ASIC2: variants seen among roughly 807,000 people sequenced by gnomAD.
ASIC2 encodes the protein acid-sensing ion channel 2.
In ASIC2, 25 loss-of-function variants were observed where a neutral mutation model predicts 57.3. The ratio of observed to expected loss-of-function variants is 0.44; its 90% CI spans 0.32 to 0.61. ASIC2 has a LOEUF of 0.61. ASIC2 is among the 20% of genes least tolerant of loss of function. The pLI, the probability that ASIC2 is intolerant of heterozygous loss-of-function variation, is 0.06. For missense variants in ASIC2, 641 were observed against 738.1 expected (o/e 0.87, Z 1.52); for synonymous variants, 319 against 307.5 (o/e 1.04, Z -0.39).
intron 1 of ASIC2, among the ~76,000 whole-genome samples, chr17:33,287,310 A>C (rs1202637573): frequency 6.6e-6 from 1 of 152,208 alleles, no homozygotes; most frequent in Non-Finnish European, 1.5e-5. Context: ...TCTCCCCTGA[A>C]CCATGCCATC....
intron 3 of ASIC2, among the ~76,000 whole-genome samples, chr17:33,033,233 T>A (rs2091892970): frequency 6.6e-6 from 1 of 152,200 alleles, no homozygotes; most frequent in East Asian, 1.9e-4. Flanking sequence ...CACCCACAGC[T>A]GCAGACCCAG....
intron 3 of ASIC2, among the ~76,000 whole-genome samples, chr17:33,040,193 G>T (rs1479929091): frequency 6.6e-6 from 1 of 152,230 alleles, no homozygotes; most frequent in Non-Finnish European, 1.5e-5. Flanking sequence ...GGCTCAGGGA[G>T]TGCAGTGAGT....
At chr17:33,574,018 G>C (rs561387852) in intron 1 of ASIC2, among the ~76,000 whole-genome samples, 4 of 152,356 alleles carry the variant, frequency 2.6e-5, no homozygotes, top group Admixed American at 1.3e-4. Flanking sequence ...TGGACTGTTA[G>C]GGTGTTTCTA....
rs775719613 is a variant in ASIC2 at position 33,291,874 on chromosome 17, C to A, written c.242G>T (p.Gly81Val). 6.2e-7 allele frequency: 1 copy of A among 1,606,874 alleles called. No individual in the cohort carries two copies. The highest frequency in any genetic ancestry group is 1.3e-5 in the African/African-American group (1 of 74,892). ...HMCAGRTAAGGSFQRRALWVL... is the reference protein window; with the variant it reads ...HMCAGRTAAGVSFQRRALWVL... ...CCACAGCGCCCGCCGCTGGAAGGAGCCCCCAGCCGCCGTGCGCCCGGCACA... is the reference window on the plus strand; with the variant it reads ...CCACAGCGCCCGCCGCTGGAAGGAGACCCCAGCCGCCGTGCGCCCGGCACA... The change falls in exon 1 of 10, where the codon GGC (glycine) becomes GTC (valine). Residue 81 changes from glycine to valine, a missense_variant. By Grantham distance (109) the Gly-to-Val change is moderately radical. This residue lies in a region of ASIC2 where 382 missense variants were observed against 398.0 expected (regional missense o/e 0.96). Coordinates refer to ENST00000225823, the MANE Select transcript of ASIC2 (RefSeq NM_183377.2).
intron 1 of ASIC2, among the ~76,000 whole-genome samples, chr17:33,556,775 T>TCCATCTGCCCTTTAG (rs1437634234): frequency 6.6e-6 from 1 of 152,210 alleles, no homozygotes; most frequent in Non-Finnish European, 1.5e-5. Context: ...GATTTTTCTT[T>TCCATCTGCCCTTTAG]CCATCTGCCC....
intron 1 of ASIC2, among the ~76,000 whole-genome samples, chr17:33,478,544 C>T (rs778245001): frequency 6.6e-6 from 1 of 152,212 alleles, no homozygotes; most frequent in Non-Finnish European, 1.5e-5. Flanking sequence ...CTTATTTGCA[C>T]AGTTTCTGTC....
intron 1 of ASIC2, among the ~76,000 whole-genome samples, chr17:33,667,157 C>A (rs2142048924): frequency 6.6e-6 from 1 of 152,210 alleles, no homozygotes; most frequent in South Asian, 2.1e-4. Context: ...CGGAAACCAC[C>A]TATTGGATGC....
intron 1 of ASIC2, among the ~76,000 whole-genome samples, chr17:33,116,227 C>CT (rs756562503): frequency 4.6e-5 from 7 of 152,198 alleles, no homozygotes; most frequent in Non-Finnish European, 7.3e-5. Context: ...TCCTGCCTGG[C>CT]TTTTTTCAGA....
chr17:33,423,995 G>A (rs2036535), intron 1 of ASIC2, among the ~76,000 whole-genome samples: 68,432 of 152,084 alleles, frequency 0.45, 16,138 homozygotes, highest in East Asian at 0.76. Flanking sequence ...GGCTGATCTG[G>A]ACAAACAACA....
chr17:33,408,221 A>T (rs1158897698), intron 1 of ASIC2, among the ~76,000 whole-genome samples: 1 of 152,182 alleles, frequency 6.6e-6, no homozygotes, highest in Non-Finnish European at 1.5e-5. Flanking sequence ...TAATTCAATA[A>T]CCAACGTTTG....
chr17:34,038,096 C>T, intron 1 of ASIC2: 2 of 1,613,198 alleles, frequency 1.2e-6, no homozygotes, highest in Non-Finnish European at 1.7e-6. Context: ...CTTCGAAAGA[C>T]CAAAATCTGT....
At chr17:33,915,344 A>C (rs954003160) in intron 1 of ASIC2, among the ~76,000 whole-genome samples, 1 of 151,782 alleles carries the variant, frequency 6.6e-6, no homozygotes, top group Non-Finnish European at 1.5e-5. Flanking sequence ...AATGGGCCCC[A>C]CCTCCCTCCA....
chr17:33,328,199 G>A lies in ASIC2; in HGVS notation c.556-216132C>T, dbSNP rs1311803843. 5.9e-5 allele frequency among the ~76,000 whole-genome samples: 9 copies of A among 152,188 alleles called. No individual in the cohort carries two copies. The South Asian group carries it at 6.2e-4, about 10-fold the overall frequency. ...TGGTGACTGAGGAGGAGAATACTGA[G>A]TTGAGGAGAGCCCCTTGAAATGACA... On this transcript the variant is annotated intron_variant, in intron 1 of 9. Coordinates refer to the ASIC2 transcript ENST00000359872.
At chr17:33,803,586 CTTTTTTTTTTTTTT>C (rs961357779) in intron 1 of ASIC2, among the ~76,000 whole-genome samples, 206 of 96,884 alleles carry the variant, frequency 2.1e-3, no homozygotes, top group Non-Finnish European at 3.5e-3. Flanking sequence ...TTTCCCTTTT[CTTTTTTTTTTTTTT>C]TTTTTTTTTA....
chr17:34,133,344 C>G (rs34699888), intron 1 of ASIC2, among the ~76,000 whole-genome samples: 49,149 of 151,772 alleles, frequency 0.32, 8,859 homozygotes, highest in Middle Eastern at 0.45. Flanking sequence ...TGGCAATGCT[C>G]GGTAAATGGT....
chr17:34,105,896 T>C (rs942138994), intron 1 of ASIC2, among the ~76,000 whole-genome samples: 1 of 152,082 alleles, frequency 6.6e-6, no homozygotes, highest in African/African-American at 2.4e-5. Flanking sequence ...AATTATTAAA[T>C]TCATACATTT....
intron 1 of ASIC2, among the ~76,000 whole-genome samples, chr17:33,865,868 C>T (rs926227300): frequency 6.6e-6 from 1 of 150,544 alleles, no homozygotes; most frequent in African/African-American, 2.4e-5. Context: ...AGACTTTTAC[C>T]AGCTCCCTAC....
chr17:33,541,594 A>G (rs955707968), intron 1 of ASIC2, among the ~76,000 whole-genome samples: 10 of 152,310 alleles, frequency 6.6e-5, no homozygotes, highest in South Asian at 2.1e-4. Flanking sequence ...GTTGCAAAGC[A>G]CATCCTATCT....
chr17:33,836,645 G>A (rs1597896551), intron 1 of ASIC2, among the ~76,000 whole-genome samples: 1 of 152,236 alleles, frequency 6.6e-6, no homozygotes, highest in South Asian at 2.1e-4. Flanking sequence ...ACAAGATCAG[G>A]AGTTCGAGAC....
Sources: allele counts gnomAD v4.1 joint callset (sites outside exome capture counted in the v4.1 genomes callset), GRCh38; gene constraint gnomAD v4.1.1; regional missense constraint gnomAD v4.1.1; transcripts MANE v1.5; gene names NCBI Gene and HGNC (gene_info 2026-07-23, HGNC 2026-07-21).